The following SH3BP4 variants were observed in gnomAD, a reference collection of about 807,000 sequenced individuals.
SH3BP4 encodes the protein SH3 domain-binding protein 4.
A neutral mutation model predicts 65.5 loss-of-function variants in SH3BP4; 33 were observed. The ratio of observed to expected loss-of-function variants is 0.50; its 90% confidence interval spans 0.38 to 0.67. The LOEUF is 0.67. Among genes scored for constraint, SH3BP4 ranks in the 30% least tolerant of loss-of-function variants. The pLI is 0.00. For synonymous variants in SH3BP4, 552 were observed against 545.5 expected, an observed-to-expected ratio of 1.01 and a Z score of -0.17; for missense variants, 1,134 against 1,261.4, an observed-to-expected ratio of 0.90 and a Z score of 1.53.
At chr2:235,038,692 C>T (rs974453602) in intron 3 of SH3BP4, among the ~76,000 whole-genome samples, 1 of 151,750 alleles carries the variant, frequency 6.6e-6, no homozygotes, top group Non-Finnish European at 1.5e-5. Flanking sequence ...TTGCAGATTC[C>T]CTGTGTCCTT....
At chr2:235,000,393 G>C (rs1050889278) in intron 2 of SH3BP4, among the ~76,000 whole-genome samples, 1 of 152,172 alleles carries the variant, frequency 6.6e-6, no homozygotes, top group Non-Finnish European at 1.5e-5. Flanking sequence ...CATTCATGCC[G>C]TTCTCCCATG....
At position 235,055,375 on chromosome 2, in the gene SH3BP4, A is replaced by C. The variant is rs895788461; in HGVS notation, c.*1559A>C. The C allele has an allele frequency of 1.3e-5, 2 of 152,662 alleles. No homozygotes were observed. The highest frequency in any genetic ancestry group is 4.8e-5 in the African/African-American group (2 of 41,450). 9.5% of individuals were successfully genotyped at this position (152,662 alleles called of 1,614,324 possible). A position where few individuals can be genotyped will look rare whatever the true frequency, so the allele number is the denominator to read the frequency against. ...TGAAGACCAACGGACTGAAAAAAAG[A>C]ACAAACATTAGCTATTTTATGCTGC... On this transcript the variant is annotated 3_prime_UTR_variant, in exon 6 of 6. Transcript: ENST00000392011.
Position 234,956,115 on chromosome 2 carries a change from C to T in SH3BP4, c.-207+3945C>T, listed in dbSNP as rs377374024. ...GTGATGAAATCTTTAAAACATGTGA[C>T]GCTTTCTCAGCCTAAATGGAAGGCA... is the stretch of plus-strand genomic sequence containing the variant. On this transcript the variant is annotated intron_variant, in intron 1 of 5. Transcript: ENST00000392011. 3.5e-3 allele frequency among the ~76,000 whole-genome samples: 533 copies of T among 152,312 alleles called. 3 individuals carry two copies. Among genetic ancestry groups the T allele is most frequent in the African/African-American group, 0.01 (432 of 41,568 alleles).
chr2:235,025,611 G>C (rs1043895600), intron 2 of SH3BP4, among the ~76,000 whole-genome samples: 10 of 152,196 alleles, frequency 6.6e-5, no homozygotes, highest in Non-Finnish European at 1.2e-4. Flanking sequence ...CTCAATGCTG[G>C]AAAATTATAA....
At chr2:235,013,360 C>T (rs1019653540) in intron 2 of SH3BP4, among the ~76,000 whole-genome samples, 3 of 152,170 alleles carry the variant, frequency 2.0e-5, no homozygotes, top group African/African-American at 2.4e-5. Flanking sequence ...CAGTTGTCTC[C>T]GGTGTCTGGG....
chr2:235,015,960 C>T (rs1315342001), intron 2 of SH3BP4, among the ~76,000 whole-genome samples: 4 of 151,834 alleles, frequency 2.6e-5, no homozygotes, highest in African/African-American at 9.7e-5. Context: ...TCGTGGGGTC[C>T]CCTGTGCTCA....
At chr2:234,980,171 C>T (rs183507088) in intron 1 of SH3BP4, among the ~76,000 whole-genome samples, 1 of 152,294 alleles carries the variant, frequency 6.6e-6, no homozygotes, top group Non-Finnish European at 1.5e-5. Context: ...TAGTCCCCCC[C>T]TTATCTGCAG....
chr2:235,051,920 C>T (rs1696067754), intron 4 of SH3BP4, among the ~76,000 whole-genome samples: 2 of 152,140 alleles, frequency 1.3e-5, no homozygotes, highest in South Asian at 4.1e-4. Flanking sequence ...AACTCTAATC[C>T]ATATTCACCC....
rs375870121 is a variant in SH3BP4 at position 235,053,845 on chromosome 2, G to A, written c.*29G>A. Reference sequence around the variant, plus strand: ...GGTCCCCTCCCCTCCTGCTGCTCTGGAGTGCAAGCCCTCTTCTGCCCTGCG... The same window carrying A: ...GGTCCCCTCCCCTCCTGCTGCTCTGAAGTGCAAGCCCTCTTCTGCCCTGCG... On this transcript the variant is annotated 3_prime_UTR_variant, in exon 6 of 6. Coordinates refer to ENST00000392011, the MANE Select transcript of SH3BP4 (RefSeq NM_014521.3). 1.9e-6 allele frequency: 3 copies of A among 1,556,332 alleles called. No individual in the cohort carries two copies. The highest frequency in any genetic ancestry group is 1.4e-5 in the African/African-American group (1 of 73,850).
intron 2 of SH3BP4, among the ~76,000 whole-genome samples, chr2:235,022,759 T>C (rs1694883437): frequency 1.3e-5 from 2 of 152,168 alleles, no homozygotes; most frequent in African/African-American, 4.8e-5. Context: ...CCTACTCTAC[T>C]TGAAAGCAGT....
At chr2:234,959,058 C>T (rs2106239234) in intron 1 of SH3BP4, among the ~76,000 whole-genome samples, 1 of 152,188 alleles carries the variant, frequency 6.6e-6, no homozygotes, top group East Asian at 1.9e-4. Flanking sequence ...GGTTAAAAGA[C>T]CTTCCCCAAA....
chr2:235,034,924 G>C lies in SH3BP4; in HGVS notation c.-79G>C, dbSNP rs746258730. 2.4e-6 allele frequency: 3 copies of C among 1,254,394 alleles called. No homozygotes were observed. The highest frequency in any genetic ancestry group is 3.5e-6 in the Non-Finnish European group (3 of 864,638). The allele number at this position is 1,254,394 out of a possible 1,614,324, so 77.7% of individuals were successfully genotyped here. ...CCGCGCAGCGTGTTTGCTTGAGGCA[G>C]AAGCTTCAGCATCTGCTGGGATAAC... On this transcript the variant is annotated 5_prime_UTR_variant, in exon 3 of 6. Coordinates refer to ENST00000392011, the MANE Select transcript of SH3BP4 (RefSeq NM_014521.3). This position sits in a 1 kb window ranked among gnomAD's most constrained non-coding sequence, Gnocchi z 6.2.
Position 235,054,083 on chromosome 2 carries a change from G to C in SH3BP4, c.*267G>C. ...TTTAAAATCACTTTTTTAACGAATG[G>C]GGGGAAGGGATCTATGAGAAAGGTG... On this transcript the variant is annotated 3_prime_UTR_variant, in exon 6 of 6. Coordinates refer to ENST00000392011, the MANE Select transcript of SH3BP4 (RefSeq NM_014521.3). The C allele has an allele frequency of 7.3e-6, 3 of 410,416 alleles. No individual in the cohort carries two copies. The South Asian group carries it at 1.3e-4, about 18-fold the overall frequency. 25.4% of individuals were successfully genotyped at this position (410,416 alleles called of 1,614,324 possible).
rs115783385 is a variant in SH3BP4, at chr2:234,954,804, G to A, written c.-207+2634G>A. Among the ~76,000 whole-genome samples the A allele has an allele frequency of 8.8e-3, 1,342 of 152,172 alleles. 14 individuals carry two copies. The highest frequency in any genetic ancestry group is 0.03 in the African/African-American group (1,240 of 41,496). On this transcript the variant is annotated intron_variant, in intron 1 of 5. Transcript: ENST00000392011. ...GAGCCCCTGGCTCCCCTGAAATTGC[G>A]TGGGAGGTGTGTGTGCTTTCTTTTC... is the stretch of plus-strand genomic sequence containing the variant.
At chr2:235,003,134 C>G (rs778066071) in intron 2 of SH3BP4, among the ~76,000 whole-genome samples, 8 of 152,264 alleles carry the variant, frequency 5.3e-5, no homozygotes, top group Non-Finnish European at 1.0e-4. Context: ...CGTGAATAGG[C>G]TTCTGATCGA....
chr2:234,990,250 C>G (rs1693707378), intron 1 of SH3BP4, among the ~76,000 whole-genome samples: 1 of 152,172 alleles, frequency 6.6e-6, no homozygotes, highest in South Asian at 2.1e-4. Flanking sequence ...CTGACTGGCT[C>G]TGATGTATGG....
chr2:234,979,288 C>A (rs1693275871), intron 1 of SH3BP4, among the ~76,000 whole-genome samples: 1 of 152,232 alleles, frequency 6.6e-6, no homozygotes, highest in South Asian at 2.1e-4. Context: ...CGATCCTCTC[C>A]CCTTCCTGCA....
In SH3BP4 at chr2:234,994,345, C is replaced by A. The variant is rs2276600; in HGVS notation, c.-206-958C>A. On this transcript the variant is annotated intron_variant, in intron 1 of 5. Coordinates refer to ENST00000392011, the MANE Select transcript of SH3BP4 (RefSeq NM_014521.3). ...TACATGGATGGAGGTCTGTTCTGGG[C>A]TGTCTGGTTCCTGCAGAGGATGAGT... is the stretch of plus-strand genomic sequence containing the variant. Among the ~76,000 whole-genome samples, 697 of 152,270 alleles carry A rather than the reference C, an allele frequency of 4.6e-3. 15 individuals are homozygous for A. The highest frequency in any genetic ancestry group is 0.037 in the Admixed American group (570 of 15,298).
At chr2:235,036,740 A>AAAAAAAAAAATAATAAT (rs146049108) in intron 3 of SH3BP4, among the ~76,000 whole-genome samples, 1 of 141,740 alleles carries the variant, frequency 7.1e-6, no homozygotes, top group African/African-American at 2.7e-5. Context: ...TCTATATAAA[A>AAAAAAAAAAATAATAAT]AATAATAATA....
Sources: gnomAD v4.1 joint callset for allele counts (sites outside exome capture counted in the v4.1 genomes callset) on GRCh38, gnomAD v4.1.1 for gene constraint, Gnocchi (gnomAD v3.1) non-coding constraint, MANE v1.5 for transcripts, NCBI Gene and HGNC (gene_info 2026-07-23, HGNC 2026-07-21) for gene names.